Variants in CMBL observed in about 807,000 individuals in gnomAD.
The protein encoded by CMBL is carboxymethylenebutenolidase homolog, also known as carboxymethylenebutenolidase homolog (Pseudomonas).
Under a neutral mutation model 28.7 loss-of-function variants are expected in CMBL, and 17 were observed. That is an observed-to-expected ratio of 0.59 (90% CI 0.41 to 0.89). The LOEUF (loss-of-function observed/expected upper bound fraction) is 0.89, where lower values mean the gene tolerates loss of function less well. Ranked by LOEUF, CMBL falls within the 40% of genes least tolerant of loss-of-function variation. The pLI, the probability that CMBL is intolerant of heterozygous loss-of-function variation, is 0.00. For missense variants in CMBL, 310 were observed against 298.5 expected, an observed-to-expected ratio of 1.04 and a Z score of -0.28; for synonymous variants, 106 against 101.6, an observed-to-expected ratio of 1.04 and a Z score of -0.26.
chr5:10,307,161 G>A (rs943419194), intron 1 of CMBL: 2 of 152,204 alleles, frequency 1.3e-5, no homozygotes, highest in African/African-American at 2.4e-5. Context: ...AAGAAAAGCT[G>A]TCGAATGTGG....
At chr5:10,294,339 C>G (rs1244250436) in intron 1 of CMBL, among the ~76,000 whole-genome samples, 1 of 151,948 alleles carries the variant, frequency 6.6e-6, no homozygotes, top group Non-Finnish European at 1.5e-5. Context: ...CTTTGGGAGG[C>G]TGAGGTGGGA....
At chr5:10,303,177 C>T (rs1262562030) in intron 1 of CMBL, among the ~76,000 whole-genome samples, 1 of 152,228 alleles carries the variant, frequency 6.6e-6, no homozygotes, top group Non-Finnish European at 1.5e-5. Context: ...TAAGCTACCA[C>T]CCTGACCCTG....
Position 10,282,301 on chromosome 5 carries a change from C to T in CMBL, c.467-13G>A, listed in dbSNP as rs746743901. On this transcript the variant is annotated splice_polypyrimidine_tract_variant and intron_variant, in intron 4 of 5. Coordinates refer to ENST00000296658, the MANE Select transcript of CMBL (RefSeq NM_138809.4). ...TCCTTGACAATGCCTGAAAAACAAG[C>T]ACAGAGGCATGATGTCTGATCCCCA... is the stretch of plus-strand genomic sequence containing the variant. 6.0e-6 allele frequency: 9 copies of T among 1,501,276 alleles called. No homozygotes were observed. The highest frequency in any genetic ancestry group is 8.4e-6 in the Non-Finnish European group (9 of 1,075,914). The allele number at this position is 1,501,276 out of a possible 1,614,324, so 93.0% of individuals were successfully genotyped here.
chr5:10,282,913 A>G (rs1471027761), intron 4 of CMBL, among the ~76,000 whole-genome samples: 1 of 151,980 alleles, frequency 6.6e-6, no homozygotes, highest in Non-Finnish European at 1.5e-5. Flanking sequence ...AACATGGTGA[A>G]ACCCTGTCTC....
At position 10,289,674 on chromosome 5, in the gene CMBL, T is replaced by C. The variant is rs1279219188; in HGVS notation, c.215+874A>G. 6.6e-6 allele frequency among the ~76,000 whole-genome samples: 1 copy of C among 152,204 alleles called. No homozygotes were observed. The highest frequency in any genetic ancestry group is 1.9e-4 in the East Asian group (1 of 5,184). On this transcript the variant is annotated intron_variant, in intron 2 of 5. Coordinates refer to ENST00000296658, the MANE Select transcript of CMBL (RefSeq NM_138809.4). This position sits in a 1 kb window ranked among gnomAD's most constrained non-coding sequence, Gnocchi z 4.3. ...AGCTATTTATTTACTTATTTATTTT[T>C]ACTGGGCTTGCCCCTAGAAAGTTAA... is the stretch of plus-strand genomic sequence containing the variant.
At chr5:10,288,378 C>G (rs774353839) in intron 3 of CMBL, 44 bp downstream of exon 3, 1 of 1,444,218 alleles carries the variant, frequency 6.9e-7, no homozygotes, top group Non-Finnish European at 9.7e-7. Flanking sequence ...CTCTCACCTC[C>G]CTGGGCCACA....
chr5:10,285,700 C>CTTTTTTTTTTTTTTT, intron 4 of CMBL, among the ~76,000 whole-genome samples: 1 of 133,706 alleles, frequency 7.5e-6, no homozygotes, highest in Non-Finnish European at 1.6e-5. Context: ...CTTTCTTTTT[C>CTTTTTTTTTTTTTTT]TTTTTTTTTT....
rs1365668948 is a variant in CMBL, at chr5:10,288,422, C to T, written c.323G>A (p.Arg108Lys). 3.7e-6 allele frequency: 6 copies of T among 1,611,780 alleles called. No homozygotes were observed. The South Asian group carries it at 6.6e-5, about 18-fold the overall frequency. ...ATGGCCACGTCTGCGGATAACTCAC[C>T]TATCGATCTTCTGGGCATTTCTTGT... is the stretch of plus-strand genomic sequence containing the variant. ...LKTRNAQKID[R>K]EISAILKYLK... The change falls in exon 3 of 6, where the codon AGA (arginine) becomes AAA (lysine). Residue 108 changes from arginine (R) to lysine (K), a missense_variant and splice_region_variant. By Grantham distance (26) the Arg-to-Lys change is conservative. Coordinates refer to ENST00000296658, the MANE Select transcript of CMBL (RefSeq NM_138809.4).
intron 1 of CMBL, among the ~76,000 whole-genome samples, chr5:10,298,114 A>C (rs1746839812): frequency 6.9e-6 from 1 of 143,930 alleles, no homozygotes. Flanking sequence ...TGTAGTCATG[A>C]GAGGGGGCAG....
chr5:10,291,433 C>T (rs1746714525), intron 1 of CMBL, among the ~76,000 whole-genome samples: 5 of 152,088 alleles, frequency 3.3e-5, no homozygotes, highest in Admixed American at 2.6e-4. Flanking sequence ...GAGGCCGAGG[C>T]GGGCGGATCA....
At chr5:10,305,291 C>G (rs981296164) in intron 1 of CMBL, among the ~76,000 whole-genome samples, 4 of 152,156 alleles carry the variant, frequency 2.6e-5, no homozygotes. Flanking sequence ...ATAGACATTG[C>G]TGCAAGGTGC....
rs1253300941 is a variant in CMBL, at chr5:10,279,799, C to G, written c.*654G>C. 2 of 151,940 alleles carry G rather than the reference C, an allele frequency of 1.3e-5. No homozygotes were observed. The highest frequency in any genetic ancestry group is 2.9e-5 in the Non-Finnish European group (2 of 68,012). The allele number at this position is 151,940 out of a possible 1,614,324, so 9.4% of individuals were successfully genotyped here. ...AAGTGATCCACCCACCTCGGCCTCC[C>G]AAAGTGCTGGGATTACAGGCGTGAG... On this transcript the variant is annotated 3_prime_UTR_variant, in exon 6 of 6. Coordinates refer to ENST00000296658, the MANE Select transcript of CMBL (RefSeq NM_138809.4).
chr5:10,291,515 G>A (rs1001510966), intron 1 of CMBL, among the ~76,000 whole-genome samples: 2 of 151,870 alleles, frequency 1.3e-5, no homozygotes, highest in East Asian at 1.9e-4. Flanking sequence ...CAAAAAATTA[G>A]CCGGGCGTGG....
intron 1 of CMBL, among the ~76,000 whole-genome samples, chr5:10,293,139 C>T (rs1746755634): frequency 6.6e-6 from 1 of 152,118 alleles, no homozygotes; most frequent in Non-Finnish European, 1.5e-5. Context: ...ATCTTTACAG[C>T]CTAGACTACA....
Position 10,278,106 on chromosome 5 carries a change from C to G in CMBL, c.*2347G>C, listed in dbSNP as rs540742612. On this transcript the variant is annotated 3_prime_UTR_variant, in exon 6 of 6. Transcript: ENST00000296658. ...CCAGCCCTGCTCAGGCTTGGATTCT[C>G]TCAACATTAGGCAAAGGGTCTCCCC... is the stretch of plus-strand genomic sequence containing the variant. 6.6e-5 allele frequency among the ~76,000 whole-genome samples: 10 copies of G among 152,320 alleles called. No homozygotes were observed. Among genetic ancestry groups the G allele is most frequent in the African/African-American group, 1.9e-4 (8 of 41,578 alleles).
In CMBL at chr5:10,278,849, C is replaced by G. The variant is rs191194091; in HGVS notation, c.*1604G>C. Among the ~76,000 whole-genome samples the G allele has an allele frequency of 6.6e-6, 1 of 151,926 alleles. No homozygotes were observed. Among genetic ancestry groups the G allele is most frequent in the East Asian group, 1.9e-4 (1 of 5,162 alleles). ...TGTGCCAGGATAAACAAGCTTCCTGCGAGAGGGACACCTGGCCACAGGTTG... is the reference window on the plus strand; with the variant it reads ...TGTGCCAGGATAAACAAGCTTCCTGGGAGAGGGACACCTGGCCACAGGTTG... On this transcript the variant is annotated 3_prime_UTR_variant, in exon 6 of 6. Coordinates refer to ENST00000296658, the MANE Select transcript of CMBL (RefSeq NM_138809.4).
rs567484316 is a variant in CMBL at position 10,289,000 on chromosome 5, C to T, written c.216-471G>A. Reference sequence around the variant, plus strand: ...TTCCCAGCCTCCACCAAGACGGCGACGAAGCACAGTTTCCTATCCAGAGGG... The same window carrying T: ...TTCCCAGCCTCCACCAAGACGGCGATGAAGCACAGTTTCCTATCCAGAGGG... On this transcript the variant is annotated intron_variant, in intron 2 of 5. Transcript: ENST00000296658. Among the ~76,000 whole-genome samples the T allele has an allele frequency of 4.2e-3, 647 of 152,284 alleles. 5 individuals carry two copies. The highest frequency in any genetic ancestry group is 7.5e-3 in the Non-Finnish European group (508 of 68,020).
In CMBL at chr5:10,291,358, A is replaced by G. The variant is rs554672131; in HGVS notation, c.-19-577T>C. On this transcript the variant is annotated intron_variant, in intron 1 of 5. Coordinates refer to ENST00000296658, the MANE Select transcript of CMBL (RefSeq NM_138809.4). ...CATCTCCGTCTAGATTCTGAGTGGA[A>G]GGGAAAAAAGAAAGCAATCCTCGGC... 3.9e-4 allele frequency among the ~76,000 whole-genome samples: 59 copies of G among 152,296 alleles called. 1 individual carries two copies. In the Middle Eastern group the frequency reaches 0.01, roughly 26 times the overall value.
intron 1 of CMBL, among the ~76,000 whole-genome samples, chr5:10,291,841 A>G (rs778006245): frequency 6.6e-6 from 1 of 152,180 alleles, no homozygotes; most frequent in Non-Finnish European, 1.5e-5. Context: ...TCCACAATCC[A>G]GGCCAAAAAT....
Sources: gnomAD v4.1 joint callset for allele counts (sites outside exome capture counted in the v4.1 genomes callset) on GRCh38, gnomAD v4.1.1 for gene constraint, Gnocchi (gnomAD v3.1) non-coding constraint, MANE v1.5 for transcripts, NCBI Gene and HGNC (gene_info 2026-07-23, HGNC 2026-07-21) for gene names.